Variants in SORL1 observed in about 807,000 individuals in gnomAD.
The protein encoded by SORL1 is sortilin related receptor 1.
SORL1 carries 127 observed loss-of-function variants against 273.7 expected under a neutral mutation model. That is an observed-to-expected ratio of 0.46 (90% CI 0.40 to 0.54). The LOEUF is 0.54. Among genes scored for constraint, SORL1 ranks in the 20% least tolerant of loss-of-function variants. The pLI is 0.00. For missense variants in SORL1, 2,494 were observed against 2,846.1 expected, an observed-to-expected ratio of 0.88 and a Z score of 2.81; for synonymous variants, 1,031 against 1,067.4, an observed-to-expected ratio of 0.97 and a Z score of 0.66.
rs777830181 is a variant in SORL1 at position 121,574,274 on chromosome 11, G to T, written c.3371G>T (p.Arg1124Leu). Residue 1124 changes from arginine (R) to leucine (L), a missense_variant, in exon 24 of 48, where the codon CGT (arginine) becomes CTT (leucine). Coordinates refer to ENST00000260197, the MANE Select transcript of SORL1 (RefSeq NM_003105.6). ...TTICDLDTQFRCQESGTCIPL... is the reference protein window; with the variant it reads ...TTICDLDTQFLCQESGTCIPL... ...ATCTGTGACCTGGACACCCAGTTTC[G>T]TTGCCAGGAGTCTGGGACTTGTATC... 5 of 1,613,648 alleles carry T rather than the reference G, an allele frequency of 3.1e-6. No homozygotes were observed. Among genetic ancestry groups the T allele is most frequent in the African/African-American group, 1.3e-5 (1 of 74,884 alleles).
chr11:121,622,561 C>A (rs1367829891), intron 45 of SORL1, among the ~76,000 whole-genome samples: 1 of 152,240 alleles, frequency 6.6e-6, no homozygotes, highest in Admixed American at 6.5e-5. Context: ...GTGCTTCCCG[C>A]AGAAGCTGCA....
At chr11:121,455,094 T>C (rs547641016) in intron 1 of SORL1, among the ~76,000 whole-genome samples, 2 of 152,306 alleles carry the variant, frequency 1.3e-5, no homozygotes, top group African/African-American at 4.8e-5. Context: ...AGTGTGGTTC[T>C]ATGGAGGTGC....
Position 121,452,448 on chromosome 11 carries a change from C to T in SORL1, c.117C>T (p.Ser39=). 1 of 1,500,032 alleles carries T rather than the reference C, an allele frequency of 6.7e-7. No homozygotes were observed. The highest frequency in any genetic ancestry group is 8.9e-7 in the Non-Finnish European group (1 of 1,128,318). The allele number at this position is 1,500,032 out of a possible 1,614,324, so 92.9% of individuals were successfully genotyped here. ...EVWTQRLHGG[S]APLPQDRGFL... ...GGACGCAGAGGCTGCACGGCGGCAGCGCGCCCTTGCCCCAGGACCGGGGCT... is the reference window on the plus strand; with the variant it reads ...GGACGCAGAGGCTGCACGGCGGCAGTGCGCCCTTGCCCCAGGACCGGGGCT... Residue 39 remains serine (S), a synonymous_variant, in exon 1 of 48, where the codon AGC becomes AGT. Transcript: ENST00000260197. The surrounding 1 kb of genome is among the most constrained non-coding windows in gnomAD (Gnocchi z 5.3).
In SORL1 at chr11:121,490,059, A is replaced by G. The variant is rs1051430452; in HGVS notation, c.707A>G (p.Asp236Gly). The G allele has an allele frequency of 6.2e-7, 1 of 1,613,882 alleles. No homozygotes were observed. The highest frequency in any genetic ancestry group is 8.5e-7 in the Non-Finnish European group (1 of 1,179,774). ...HPNKQLWKSD[D>G]FGQTWIMIQE... is the part of the protein sequence containing the mutation. Reference sequence around the variant, plus strand: ...TCTTTGCAGCTGTGGAAGTCAGATGACTTTGGCCAGACCTGGATCATGATT... The same window carrying G: ...TCTTTGCAGCTGTGGAAGTCAGATGGCTTTGGCCAGACCTGGATCATGATT... Residue 236 changes from aspartate (D) to glycine (G), a missense_variant, in exon 5 of 48, where the codon GAC (aspartate) becomes GGC (glycine). Around this residue, in one of 3 missense-constraint regions of SORL1, gnomAD observed 710 missense variants for 882.5 expected, o/e 0.80. Transcript: ENST00000260197.
intron 12 of SORL1, among the ~76,000 whole-genome samples, chr11:121,536,576 CT>C (rs147632353): frequency 1.5e-3 from 215 of 142,768 alleles, no homozygotes; most frequent in Middle Eastern, 3.7e-3. Flanking sequence ...ATTTTTATAT[CT>C]TTTTTTTTTT....
At chr11:121,484,162 G>A (rs1329056274) in intron 3 of SORL1, among the ~76,000 whole-genome samples, 1 of 152,188 alleles carries the variant, frequency 6.6e-6, no homozygotes, top group Non-Finnish European at 1.5e-5. Flanking sequence ...TTGAGTAGGG[G>A]TGTAAATGAA....
intron 6 of SORL1, among the ~76,000 whole-genome samples, chr11:121,506,130 T>C (rs538135466): frequency 2.0e-5 from 3 of 152,300 alleles, no homozygotes; most frequent in South Asian, 4.1e-4. Flanking sequence ...GGAGTTCTGT[T>C]GTTAGGTGCA....
At chr11:121,608,518 A>G (rs530667075) in intron 38 of SORL1, 15 of 248,520 alleles carry the variant, frequency 6.0e-5, no homozygotes, top group Non-Finnish European at 7.0e-5. Context: ...GATTTTGTGC[A>G]TGTTCACTTA....
chr11:121,599,806 C>T (rs987308056), intron 32 of SORL1, among the ~76,000 whole-genome samples: 1 of 151,668 alleles, frequency 6.6e-6, no homozygotes, highest in Non-Finnish European at 1.5e-5. Flanking sequence ...TAGCAGGATG[C>T]GGCAGCCTTT....
chr11:121,479,806 C>G (rs1424414335), intron 3 of SORL1, among the ~76,000 whole-genome samples: 2 of 152,136 alleles, frequency 1.3e-5, no homozygotes, highest in African/African-American at 2.4e-5. Flanking sequence ...TCAGCTCTGC[C>G]TGATGATCTC....
chr11:121,541,233 G>A (rs180805382), intron 12 of SORL1, among the ~76,000 whole-genome samples: 21 of 148,352 alleles, frequency 1.4e-4, no homozygotes, highest in Admixed American at 8.8e-4. Flanking sequence ...GCAGGGTCTC[G>A]CTCTGTCATC....
intron 11 of SORL1, 119 bp downstream of exon 11, chr11:121,523,108 G>T: frequency 1.4e-6 from 1 of 703,420 alleles, no homozygotes. Context: ...AGTAATGCCA[G>T]ATATGACTAT....
chr11:121,465,480 A>G (rs1314822852), intron 1 of SORL1, among the ~76,000 whole-genome samples: 1 of 151,744 alleles, frequency 6.6e-6, no homozygotes, highest in East Asian at 1.9e-4. Flanking sequence ...AACTAGATTC[A>G]TTGTTTCCCA....
intron 30 of SORL1, 49 bp from the exon 31 acceptor site, chr11:121,590,951 AT>A: frequency 2.5e-6 from 4 of 1,611,550 alleles, no homozygotes; most frequent in Non-Finnish European, 3.4e-6. Context: ...TTGGTCTAAG[AT>A]CAAGCTGCTT....
At chr11:121,624,439 C>T (rs1863765343) in intron 45 of SORL1, among the ~76,000 whole-genome samples, 1 of 152,106 alleles carries the variant, frequency 6.6e-6, no homozygotes, top group South Asian at 2.1e-4. Flanking sequence ...TTTTCCAGCA[C>T]CAGAGTCCAG....
intron 29 of SORL1, 22 bp downstream of exon 29, chr11:121,589,412 C>G: frequency 6.2e-7 from 1 of 1,611,604 alleles, no homozygotes; most frequent in Non-Finnish European, 8.5e-7. Context: ...AGTCTGCCTC[C>G]TCACATCCTA....
intron 26 of SORL1, among the ~76,000 whole-genome samples, chr11:121,583,938 A>C (rs980780877): frequency 2.0e-5 from 3 of 152,232 alleles, no homozygotes; most frequent in African/African-American, 7.2e-5. Flanking sequence ...ACATGTTGTT[A>C]TACATTCTAC....
intron 32 of SORL1, among the ~76,000 whole-genome samples, chr11:121,598,086 C>T (rs754145435): frequency 1.4e-4 from 22 of 152,106 alleles, no homozygotes; most frequent in Non-Finnish European, 2.9e-4. Flanking sequence ...GATAGGGCGA[C>T]CCCTGTGCTT....
In SORL1 at chr11:121,632,570, C is replaced by G. The variant is rs1333428869; in HGVS notation, c.*3007C>G. The G allele has an allele frequency of 2.0e-5, 3 of 151,502 alleles. No homozygotes were observed. Among genetic ancestry groups the G allele is most frequent in the Non-Finnish European group, 4.4e-5 (3 of 67,952 alleles). 9.4% of individuals were successfully genotyped at this position (151,502 alleles called of 1,614,324 possible). A position where few individuals can be genotyped will look rare whatever the true frequency, so the allele number is the denominator to read the frequency against. ...GACAGAAGACACACAGCTGCCTGTT[C>G]TCTCCTGCCCATCATGTTTGGCCCA... On this transcript the variant is annotated 3_prime_UTR_variant, in exon 48 of 48. Transcript: ENST00000260197.
Sources: allele counts gnomAD v4.1 joint callset (sites outside exome capture counted in the v4.1 genomes callset), GRCh38; gene constraint gnomAD v4.1.1; regional missense constraint gnomAD v4.1.1; non-coding constraint Gnocchi (gnomAD v3.1); transcripts MANE v1.5; gene names NCBI Gene and HGNC (gene_info 2026-07-23, HGNC 2026-07-21).